The following PSMD9 variants were observed in gnomAD, a reference collection of about 807,000 sequenced individuals.
PSMD9 encodes 26S proteasome non-ATPase regulatory subunit 9.
In PSMD9, 26 loss-of-function variants were observed where a neutral mutation model predicts 25.9. The observed-to-expected ratio is 1.00, with a 90% CI of 0.73 to 1.39. PSMD9 has a LOEUF of 1.39. Among genes scored for constraint, PSMD9 ranks in the 40% most tolerant of loss-of-function variants. PSMD9 has a pLI of 0.00. For missense variants in PSMD9, 303 were observed against 299.3 expected, an observed-to-expected ratio of 1.01 and a Z score of -0.09; for synonymous variants, 110 against 114.5, an observed-to-expected ratio of 0.96 and a Z score of 0.25.
At chr12:121,901,666 C>CTTCTTTTTTTTTT (rs1879401097) in intron 3 of PSMD9, among the ~76,000 whole-genome samples, 15 of 93,614 alleles carry the variant, frequency 1.6e-4, no homozygotes, top group African/African-American at 8.8e-4. Context: ...TTCATTCCTT[C>CTTCTTTTTTTTTT]TTTTTTTTTT....
rs774391318 is a variant in PSMD9, at chr12:121,894,841, T to C, written c.241T>C (p.Cys81Arg). ...CCGCACCGCCAGGCACAACATCATA[T>C]GTGAGTGGCCCTCTTAGAAGACTTT... ...QVRTARHNII[C>R]LQNDHKAVMK... is the part of the protein sequence containing the mutation. The change falls in exon 2 of 6, where the codon TGC becomes CGC. Residue 81 changes from cysteine (C) to arginine (R), a missense_variant and splice_region_variant. Coordinates refer to ENST00000541212, the MANE Select transcript of PSMD9 (RefSeq NM_002813.7). 1 of 1,612,496 alleles carries C rather than the reference T, an allele frequency of 6.2e-7. No homozygotes were observed.
chr12:121,913,140 T>A (rs947889559), intron 4 of PSMD9, among the ~76,000 whole-genome samples: 4 of 152,098 alleles, frequency 2.6e-5, no homozygotes. Flanking sequence ...GAGATAGGGT[T>A]TCACTGTGTT....
intron 5 of PSMD9, 147 bp downstream of exon 5, chr12:121,916,091 G>C: frequency 8.6e-7 from 1 of 1,164,126 alleles, no homozygotes; most frequent in Non-Finnish European, 1.3e-6. Context: ...CTCGTGGTAG[G>C]AACGAGACTA....
At chr12:121,903,646 C>A (rs1879464581) in intron 4 of PSMD9, among the ~76,000 whole-genome samples, 1 of 152,064 alleles carries the variant, frequency 6.6e-6, no homozygotes, top group Non-Finnish European at 1.5e-5. Flanking sequence ...CTGTTTTACA[C>A]TGGTGACATG....
At chr12:121,900,985 TAAA>T (rs749082407) in intron 3 of PSMD9, among the ~76,000 whole-genome samples, 3 of 89,466 alleles carry the variant, frequency 3.4e-5, no homozygotes, top group East Asian at 3.3e-4. Flanking sequence ...AGACTCTGTC[TAAA>T]AAAAAAAAAA....
chr12:121,903,408 C>A (rs1879457437), intron 4 of PSMD9, among the ~76,000 whole-genome samples: 1 of 152,148 alleles, frequency 6.6e-6, no homozygotes, highest in Non-Finnish European at 1.5e-5. Context: ...AGAGGCCCCA[C>A]CCCTAATACC....
At chr12:121,915,426 G>A (rs543952536) in intron 4 of PSMD9, 65 of 159,610 alleles carry the variant, frequency 4.1e-4, no homozygotes, top group Non-Finnish European at 7.8e-4. Flanking sequence ...TACTGTATTT[G>A]AACAATACCT....
chr12:121,911,058 G>T (rs1291726687), intron 4 of PSMD9: 1 of 413,680 alleles, frequency 2.4e-6, no homozygotes, highest in Admixed American at 2.7e-5. Context: ...TTTTGTTTTT[G>T]AGATGGTGTC....
intron 1 of PSMD9, among the ~76,000 whole-genome samples, chr12:121,891,197 G>A (rs1215235595): frequency 6.6e-6 from 1 of 150,454 alleles, no homozygotes; most frequent in African/African-American, 2.4e-5. Context: ...TTGGGAGGCT[G>A]AGGCAGGAGG....
At chr12:121,903,631 T>G (rs1879463820) in intron 4 of PSMD9, among the ~76,000 whole-genome samples, 1 of 152,104 alleles carries the variant, frequency 6.6e-6, no homozygotes, top group South Asian at 2.1e-4. Context: ...CTCTTCATCC[T>G]CCTTCTGTTT....
intron 4 of PSMD9, among the ~76,000 whole-genome samples, chr12:121,904,289 T>G (rs1424231256): frequency 6.6e-6 from 1 of 151,574 alleles, no homozygotes; most frequent in Admixed American, 6.6e-5. Flanking sequence ...ATTAAGAAAT[T>G]CTTGGCTGGG....
At position 121,916,754 on chromosome 12, in the gene PSMD9, T is replaced by C; in HGVS notation, c.*443T>C. 5.8e-6 allele frequency: 1 copy of C among 171,192 alleles called. No individual in the cohort carries two copies. Among genetic ancestry groups the C allele is most frequent in the Non-Finnish European group, 1.3e-5 (1 of 78,044 alleles). The allele number at this position is 171,192 out of a possible 1,614,324, so 10.6% of individuals were successfully genotyped here. A position where few individuals can be genotyped will look rare whatever the true frequency, so the allele number is the denominator to read the frequency against. ...GCAAAACAGGCTAGCAATTGCAAAG[T>C]CAGGCTTTGACCAACATATTTCTTT... On this transcript the variant is annotated 3_prime_UTR_variant, in exon 6 of 6. Transcript: ENST00000541212.
In PSMD9 at chr12:121,899,618, G is replaced by A. The variant is rs369578649; in HGVS notation, c.242-16G>A. The A allele has an allele frequency of 8.8e-5, 139 of 1,582,860 alleles. No individual in the cohort carries two copies. Among genetic ancestry groups the A allele is most frequent in the Middle Eastern group, 8.7e-4 (5 of 5,764 alleles). On this transcript the variant is annotated splice_polypyrimidine_tract_variant and intron_variant, in intron 2 of 5. Coordinates refer to ENST00000541212, the MANE Select transcript of PSMD9 (RefSeq NM_002813.7). ...CACTGTCTTCCTTGGCCCCTGATGT[G>A]TGGTTCTCATCCCAGGCCTGCAGAA...
intron 5 of PSMD9, 154 bp downstream of exon 5, chr12:121,916,098 A>C: frequency 8.6e-7 from 1 of 1,156,634 alleles, no homozygotes. Context: ...TAGGAACGAG[A>C]CTACAGCTCT....
intron 4 of PSMD9, 88 bp from the exon 5 acceptor site, chr12:121,915,768 A>T (rs886516839): frequency 1.8e-6 from 2 of 1,134,526 alleles, no homozygotes; most frequent in Non-Finnish European, 1.3e-6. Context: ...TACCAATTTG[A>T]TAGGCAAAAA....
In PSMD9 at chr12:121,907,586, G is replaced by T. The variant is rs1175604910; in HGVS notation, c.555+4479G>T. ...AAAAAATTATAAATGACTGCTGATG[G>T]ATAATGGATTTCTTTTTGGGTGATG... On this transcript the variant is annotated intron_variant, in intron 4 of 5. Transcript: ENST00000541212. Among the ~76,000 whole-genome samples the T allele has an allele frequency of 4.6e-5, 7 of 152,250 alleles. 1 individual carries two copies. In the South Asian group the frequency reaches 1.5e-3, roughly 32 times the overall value.
chr12:121,889,126 G>T, intron 1 of PSMD9, 132 bp downstream of exon 1: 1 of 1,171,788 alleles, frequency 8.5e-7, no homozygotes, highest in Admixed American at 2.8e-5. Flanking sequence ...CGCCGCAAGT[G>T]CGGCCTCTGT....
At chr12:121,892,576 C>T (rs911811662) in intron 1 of PSMD9, among the ~76,000 whole-genome samples, 3 of 152,080 alleles carry the variant, frequency 2.0e-5, no homozygotes, top group Non-Finnish European at 4.4e-5. Context: ...TGGCAGACGC[C>T]TGTAGTCCCA....
chr12:121,911,071 G>T lies in PSMD9; in HGVS notation c.556-4785G>T, dbSNP rs113109361. ...TGTTTTGTTTTTGAGATGGTGTCTC[G>T]CTCTGTTGCCCAGGCTGGAGTGCAG... On this transcript the variant is annotated intron_variant, in intron 4 of 5. Transcript: ENST00000541212. The T allele has an allele frequency of 2.3e-3, 1,010 of 448,742 alleles. 14 individuals are homozygous for T. The highest frequency in any genetic ancestry group is 0.019 in the African/African-American group (933 of 49,988). The allele number at this position is 448,742 out of a possible 1,614,324, so 27.8% of individuals were successfully genotyped here. A position where few individuals can be genotyped will look rare whatever the true frequency, so the allele number is the denominator to read the frequency against.
Sources: allele counts gnomAD v4.1 joint callset (sites outside exome capture counted in the v4.1 genomes callset), GRCh38; gene constraint gnomAD v4.1.1; transcripts MANE v1.5; gene names NCBI Gene and HGNC (gene_info 2026-07-23, HGNC 2026-07-21).